ITPRID1: variants seen among roughly 807,000 people sequenced by gnomAD.
ITPRID1 encodes the protein ITPR interacting domain containing 1, also known as protein ITPRID1.
ITPRID1 carries 96 observed loss-of-function variants against 95.4 expected under a neutral mutation model. The ratio of observed to expected loss-of-function variants is 1.01; its 90% CI spans 0.85 to 1.19. The LOEUF is 1.19. Ranked by LOEUF, ITPRID1 falls within the 50% of genes most tolerant of loss-of-function variation. The pLI is 0.00. For synonymous variants in ITPRID1, 510 were observed against 453.6 expected, an observed-to-expected ratio of 1.12 and a Z score of -1.58; for missense variants, 1,339 against 1,252.9, an observed-to-expected ratio of 1.07 and a Z score of -1.04.
At chr7:31,612,196 C>T (rs7780772) in intron 10 of ITPRID1, among the ~76,000 whole-genome samples, 52,319 of 151,806 alleles carry the variant, frequency 0.34, 9,513 homozygotes, top group East Asian at 0.47. Flanking sequence ...TTATTTGGTC[C>T]TTTTATGATA....
chr7:31,552,056 C>T, intron 2 of ITPRID1: 1 of 330,422 alleles, frequency 3.0e-6, no homozygotes, highest in Non-Finnish European at 6.1e-6. Flanking sequence ...GGCCCTTGTT[C>T]TCATGGTGCT....
intron 10 of ITPRID1, among the ~76,000 whole-genome samples, chr7:31,623,598 C>T (rs574949734): frequency 6.0e-5 from 9 of 149,106 alleles, no homozygotes; most frequent in African/African-American, 1.7e-4. Context: ...ATTGATGGGA[C>T]GTATCTCAAA....
intron 10 of ITPRID1, among the ~76,000 whole-genome samples, chr7:31,607,506 T>A (rs2128163022): frequency 6.6e-6 from 1 of 152,246 alleles, no homozygotes; most frequent in Non-Finnish European, 1.5e-5. Context: ...TGCTCCATTG[T>A]CTTCTTGTGT....
intron 10 of ITPRID1, among the ~76,000 whole-genome samples, chr7:31,610,884 G>C (rs1266942808): frequency 6.6e-6 from 1 of 151,376 alleles, no homozygotes; most frequent in Non-Finnish European, 1.5e-5. Context: ...ACCGCATGTA[G>C]TTAGATTATG....
At chr7:31,609,197 AT>A (rs1229215238) in intron 10 of ITPRID1, among the ~76,000 whole-genome samples, 1 of 151,390 alleles carries the variant, frequency 6.6e-6, no homozygotes, top group Non-Finnish European at 1.5e-5. Context: ...CATATAATCC[AT>A]TTTTTATATT....
intron 1 of ITPRID1, among the ~76,000 whole-genome samples, chr7:31,524,822 CAA>C (rs1256790996): frequency 6.6e-6 from 1 of 152,108 alleles, no homozygotes; most frequent in Non-Finnish European, 1.5e-5. Flanking sequence ...CTTCATCTTA[CAA>C]AGAGAGTTCC....
intron 1 of ITPRID1, chr7:31,529,585 T>C: frequency 1.8e-6 from 1 of 547,736 alleles, no homozygotes; most frequent in South Asian, 2.8e-5. Flanking sequence ...TTTGTGTCTT[T>C]ACCCTCAACT....
chr7:31,517,280 G>A (rs1037376192), intron 1 of ITPRID1: 4 of 152,146 alleles, frequency 2.6e-5, no homozygotes, highest in African/African-American at 9.7e-5. Context: ...CCATTTTACA[G>A]AGAGCTGATT....
At chr7:31,623,524 T>G (rs544459518) in intron 10 of ITPRID1, among the ~76,000 whole-genome samples, 2 of 151,852 alleles carry the variant, frequency 1.3e-5, no homozygotes, top group East Asian at 3.9e-4. Flanking sequence ...TCTCAATAGA[T>G]GCAGAAAAGG....
chr7:31,629,315 T>G (rs1044324373), intron 10 of ITPRID1, among the ~76,000 whole-genome samples: 1 of 152,172 alleles, frequency 6.6e-6, no homozygotes, highest in African/African-American at 2.4e-5. Flanking sequence ...AAATGTTCTG[T>G]TTCAGAAATA....
chr7:31,595,912 G>C (rs1051472276), intron 10 of ITPRID1, among the ~76,000 whole-genome samples: 1 of 151,814 alleles, frequency 6.6e-6, no homozygotes, highest in Admixed American at 6.6e-5. Flanking sequence ...TGTAGTCACT[G>C]ATATAGAAAA....
chr7:31,615,539 G>A (rs924472982), intron 10 of ITPRID1, among the ~76,000 whole-genome samples: 4 of 152,270 alleles, frequency 2.6e-5, no homozygotes, highest in Middle Eastern at 6.8e-3. Flanking sequence ...GTGAAGATGT[G>A]AGTGATTATC....
intron 1 of ITPRID1, among the ~76,000 whole-genome samples, chr7:31,546,646 C>T (rs1170402601): frequency 5.3e-5 from 8 of 152,046 alleles, no homozygotes; most frequent in African/African-American, 1.9e-4. Context: ...TGTTGGTATT[C>T]ATTTAAATAG....
At chr7:31,640,625 T>C (rs1391269495) in intron 10 of ITPRID1, among the ~76,000 whole-genome samples, 1 of 149,768 alleles carries the variant, frequency 6.7e-6, no homozygotes, top group Admixed American at 6.7e-5. Context: ...CTGTCTGAGG[T>C]CCATTGTCTC....
intron 5 of ITPRID1, among the ~76,000 whole-genome samples, chr7:31,565,694 C>T (rs947805939): frequency 3.3e-5 from 5 of 152,258 alleles, no homozygotes; most frequent in Admixed American, 2.0e-4. Flanking sequence ...GCTGAGATCA[C>T]ACCACTGCAC....
Position 31,642,838 on chromosome 7 carries a change from G to A in ITPRID1, c.1468G>A (p.Ala490Thr), listed in dbSNP as rs756999004. The part of the protein sequence containing the change: ...RASMSFSSQE[A>T]NALEQRASVS... ...GAGCATGTCTTTTTCAAGCCAAGAA[G>A]CGAATGCCTTGGAACAAAGGGCCTC... Residue 490 changes from alanine (A) to threonine (T), a missense_variant, in exon 12 of 15, where the codon GCG becomes ACG. By Grantham distance (58) the Ala-to-Thr change is moderately conservative. Coordinates refer to ENST00000615280, the MANE Select transcript of ITPRID1 (RefSeq NM_001257967.3). 6.2e-7 allele frequency: 1 copy of A among 1,613,880 alleles called. No individual in the cohort carries two copies. The highest frequency in any genetic ancestry group is 8.5e-7 in the Non-Finnish European group (1 of 1,179,810).
Position 31,585,968 on chromosome 7 carries a change from T to C in ITPRID1, c.1228+2777T>C, listed in dbSNP as rs1368994731. 1.5e-3 allele frequency among the ~76,000 whole-genome samples: 213 copies of C among 145,780 alleles called. 1 individual carries two copies. Among genetic ancestry groups the C allele is most frequent in the African/African-American group, 5.3e-3 (207 of 39,016 alleles). ...CTCGTCATCTAGCATTAGGTATATC[T>C]CCCGATGCTATCCCTCCCCCCTCCC... On this transcript the variant is annotated intron_variant, in intron 10 of 14. Coordinates refer to ENST00000615280, the MANE Select transcript of ITPRID1 (RefSeq NM_001257967.3).
chr7:31,551,497 A>ATAG lies in ITPRID1; in HGVS notation c.-23-1504_-23-1502dup, dbSNP rs772480208. 4.9e-5 allele frequency among the ~76,000 whole-genome samples: 7 copies of ATAG among 143,744 alleles called. 1 individual carries two copies. Among genetic ancestry groups the ATAG allele is most frequent in the Non-Finnish European group, 9.4e-5 (6 of 63,776 alleles). 94.3% of individuals were successfully genotyped at this position (143,744 alleles called of 152,430 possible). ...ACTGGCTAAAATATTGACTGTTAAT[A>ATAG]TAGATATAACTATTTTTTCCCTTAA... On this transcript the variant is annotated intron_variant, in intron 2 of 14. Coordinates refer to ENST00000615280, the MANE Select transcript of ITPRID1 (RefSeq NM_001257967.3).
Position 31,642,241 on chromosome 7 carries a change from G to T in ITPRID1, c.1294G>T (p.Glu432Ter). ...DSSGFLEEPL[E>*]PLPLQMPSLP... ...CAGCGGGTTCCTGGAGGAGCCGCTG[G>T]AACCGCTGCCCCTCCAGGTAGGAGG... Residue 432 changes from glutamate to a stop codon, truncating the protein, a stop_gained, in exon 11 of 15, where the codon GAA becomes TAA. Coordinates refer to ENST00000615280, the MANE Select transcript of ITPRID1 (RefSeq NM_001257967.3). LOFTEE classifies it high-confidence loss of function. The T allele has an allele frequency of 1.3e-6, 2 of 1,554,036 alleles. No individual in the cohort carries two copies. The highest frequency in any genetic ancestry group is 1.7e-6 in the Non-Finnish European group (2 of 1,148,778).
Sources: allele counts gnomAD v4.1 joint callset (sites outside exome capture counted in the v4.1 genomes callset), GRCh38; gene constraint gnomAD v4.1.1; transcripts MANE v1.5; gene names NCBI Gene and HGNC (gene_info 2026-07-23, HGNC 2026-07-21).